Variants in PEAK1 observed in about 807,000 individuals in gnomAD.
PEAK1 encodes inactive tyrosine-protein kinase PEAK1.
PEAK1 carries 54 observed loss-of-function variants against 124.7 expected under a neutral mutation model. The observed-to-expected ratio is 0.43, with a 90% CI of 0.35 to 0.54. PEAK1 has a LOEUF of 0.54. Among genes scored for constraint, PEAK1 ranks in the 20% least tolerant of loss-of-function variants. PEAK1 has a pLI of 0.01. For synonymous variants in PEAK1, 719 were observed against 760.0 expected, an observed-to-expected ratio of 0.95 and a Z score of 0.89; for missense variants, 2,046 against 2,134.5, an observed-to-expected ratio of 0.96 and a Z score of 0.82.
intron 9 of PEAK1, among the ~76,000 whole-genome samples, chr15:77,129,034 A>C (rs1567001998): frequency 6.6e-6 from 1 of 152,216 alleles, no homozygotes; most frequent in African/African-American, 2.4e-5. Flanking sequence ...GTACCTACAA[A>C]GAGGTAATTA....
intron 6 of PEAK1, among the ~76,000 whole-genome samples, chr15:77,217,688 T>C (rs1201596062): frequency 6.6e-6 from 1 of 152,208 alleles, no homozygotes; most frequent in Non-Finnish European, 1.5e-5. Context: ...CGCATTGATG[T>C]GGTTAAATCC....
In PEAK1 at chr15:77,392,174, A is replaced by C. The variant is rs73448692; in HGVS notation, c.-665-26949T>G. On this transcript the variant is annotated intron_variant, in intron 1 of 9. Transcript: ENST00000682557. ...GGCTTGTCACAAAGAAGGCATGCAG[A>C]AAATGTTCGCAAAACTGAACTAAAA... is the stretch of plus-strand genomic sequence containing the variant. Among the ~76,000 whole-genome samples the C allele has an allele frequency of 2.9e-3, 438 of 152,320 alleles. 1 individual carries two copies. Among genetic ancestry groups the C allele is most frequent in the African/African-American group, 0.01 (424 of 41,564 alleles).
chr15:77,290,854 G>C (rs183235699), intron 2 of PEAK1, among the ~76,000 whole-genome samples: 3 of 152,256 alleles, frequency 2.0e-5, no homozygotes, highest in Admixed American at 1.3e-4. Flanking sequence ...GAAGACTACA[G>C]AATCAGTCAG....
chr15:77,226,657 C>T (rs1379546584), intron 6 of PEAK1, among the ~76,000 whole-genome samples: 3 of 152,092 alleles, frequency 2.0e-5, no homozygotes, highest in Admixed American at 2.0e-4. Flanking sequence ...AGAAGTTCTG[C>T]ATACTCTTCT....
chr15:77,180,678 G>A lies in PEAK1; in HGVS notation c.1249C>T (p.Leu417Phe). 6.2e-7 allele frequency: 1 copy of A among 1,614,150 alleles called. No individual in the cohort carries two copies. Among genetic ancestry groups the A allele is most frequent in the Non-Finnish European group, 8.5e-7 (1 of 1,180,012 alleles). ...TCTTTCTCTTCTAATCGGAGAGCAAGGACTGCTTTGTGGGTCTCTGGAACT... is the reference window on the plus strand; with the variant it reads ...TCTTTCTCTTCTAATCGGAGAGCAAAGACTGCTTTGTGGGTCTCTGGAACT... ...IKVPETHKAV[L>F]ALRLEEKDGK... Residue 417 changes from leucine (L) to phenylalanine (F), a missense_variant, in exon 7 of 10, where the codon CTT (leucine) becomes TTT (phenylalanine). Physicochemically the swap from Leu to Phe is conservative, Grantham distance 22. Transcript: ENST00000682557.
chr15:77,350,064 T>C, intron 2 of PEAK1: 1 of 985,426 alleles, frequency 1.0e-6, no homozygotes. Flanking sequence ...CATGATAGTT[T>C]TCAGATCATT....
intron 5 of PEAK1, among the ~76,000 whole-genome samples, chr15:77,266,597 A>G (rs987472437): frequency 2.0e-5 from 3 of 152,238 alleles, no homozygotes; most frequent in African/African-American, 4.8e-5. Context: ...ACCATTTGCC[A>G]TATCAAGAAT....
At chr15:77,419,486 C>A in intron 1 of PEAK1, 1 of 985,276 alleles carries the variant, frequency 1.0e-6, no homozygotes, top group Non-Finnish European at 1.2e-6. Context: ...GCGAAGGGAG[C>A]AGGCAGGGAG....
At chr15:77,225,998 A>G (rs2059626631) in intron 6 of PEAK1, among the ~76,000 whole-genome samples, 1 of 135,710 alleles carries the variant, frequency 7.4e-6, no homozygotes, top group African/African-American at 2.7e-5. Flanking sequence ...AAAAAAATCA[A>G]TGCTTTCTTT....
intron 9 of PEAK1, among the ~76,000 whole-genome samples, chr15:77,126,374 A>G (rs1343474142): frequency 1.1e-4 from 17 of 152,116 alleles, no homozygotes; most frequent in Non-Finnish European, 8.8e-5. Flanking sequence ...CAATTTTTGG[A>G]AATACTTAAA....
At chr15:77,225,666 T>TTATATA (rs55958042) in intron 6 of PEAK1, among the ~76,000 whole-genome samples, 4,445 of 87,812 alleles carry the variant, frequency 0.051, 212 homozygotes, top group African/African-American at 0.057. Flanking sequence ...TGTGTATAAT[T>TTATATA]TATATATATA....
intron 5 of PEAK1, among the ~76,000 whole-genome samples, chr15:77,256,877 T>G (rs1319709887): frequency 3.3e-5 from 2 of 60,198 alleles, no homozygotes; most frequent in Non-Finnish European, 7.0e-5. Flanking sequence ...CCCTCCCACC[T>G]CCCCCCACCC....
chr15:77,144,714 T>C (rs2054047520), intron 8 of PEAK1, among the ~76,000 whole-genome samples: 1 of 152,202 alleles, frequency 6.6e-6, no homozygotes, highest in Non-Finnish European at 1.5e-5. Context: ...GCGTTCCAAA[T>C]GAAACCACAA....
chr15:77,139,954 C>G (rs570073497), intron 8 of PEAK1, among the ~76,000 whole-genome samples: 1 of 152,010 alleles, frequency 6.6e-6, no homozygotes, highest in Admixed American at 6.6e-5. Context: ...TTATTCACTG[C>G]TGTAATCTCT....
chr15:77,121,325 G>C (rs2051898365), intron 9 of PEAK1, among the ~76,000 whole-genome samples: 1 of 152,146 alleles, frequency 6.6e-6, no homozygotes, highest in Admixed American at 6.5e-5. Context: ...TGCTCCATAT[G>C]TCTGTAAAAG....
At chr15:77,346,708 A>T (rs916171715) in intron 2 of PEAK1, 8 of 984,086 alleles carry the variant, frequency 8.1e-6, no homozygotes, top group Non-Finnish European at 9.7e-6. Flanking sequence ...ACCAAAAGGA[A>T]AATGAAAAAG....
chr15:77,206,030 T>A (rs1488188564), intron 6 of PEAK1, among the ~76,000 whole-genome samples: 3 of 124,020 alleles, frequency 2.4e-5, no homozygotes, highest in Non-Finnish European at 5.0e-5. Flanking sequence ...CCTGTGTCCA[T>A]GTGATCTCAT....
chr15:77,396,357 G>C (rs2070886421), intron 1 of PEAK1, among the ~76,000 whole-genome samples: 1 of 151,796 alleles, frequency 6.6e-6, no homozygotes, highest in South Asian at 2.1e-4. Flanking sequence ...AAAGAAGGAA[G>C]AGACGACCAC....
chr15:77,175,839 A>C (rs2056827405), intron 7 of PEAK1, among the ~76,000 whole-genome samples: 1 of 152,200 alleles, frequency 6.6e-6, no homozygotes, highest in African/African-American at 2.4e-5. Context: ...AATAGCAAAG[A>C]CTTGGAACCA....
Sources: gnomAD v4.1 joint callset for allele counts (sites outside exome capture counted in the v4.1 genomes callset) on GRCh38, gnomAD v4.1.1 for gene constraint, MANE v1.5 for transcripts, NCBI Gene and HGNC (gene_info 2026-07-23, HGNC 2026-07-21) for gene names.